ZRANB3: variants seen among roughly 807,000 people sequenced by gnomAD.
The protein encoded by ZRANB3 is zinc finger RANBP2-type containing 3.
In ZRANB3, 125 loss-of-function variants were observed where a neutral mutation model predicts 133.8. The observed-to-expected ratio is 0.93, with a 90% CI of 0.81 to 1.08. The LOEUF is 1.08. Ranked by LOEUF, ZRANB3 falls within the 50% of genes least tolerant of loss-of-function variation. ZRANB3 has a pLI of 0.00. For synonymous variants in ZRANB3, 387 were observed against 432.7 expected, an observed-to-expected ratio of 0.89 and a Z score of 1.31; for missense variants, 1,229 against 1,275.5, an observed-to-expected ratio of 0.96 and a Z score of 0.56.
At chr2:135,341,366 C>T (rs1452731531) in intron 6 of ZRANB3, among the ~76,000 whole-genome samples, 2 of 149,890 alleles carry the variant, frequency 1.3e-5, no homozygotes, top group African/African-American at 5.1e-5. Flanking sequence ...TATCACTTCC[C>T]CAATCAATAC....
At chr2:135,379,078 C>G (rs1435809487) in intron 3 of ZRANB3, among the ~76,000 whole-genome samples, 1 of 151,946 alleles carries the variant, frequency 6.6e-6, no homozygotes. Flanking sequence ...GACAAATGTA[C>G]CATACTAATC....
At chr2:135,409,395 T>A (rs1161863283) in intron 2 of ZRANB3, among the ~76,000 whole-genome samples, 1 of 152,032 alleles carries the variant, frequency 6.6e-6, no homozygotes, top group Non-Finnish European at 1.5e-5. Flanking sequence ...CACATGATCA[T>A]CTTCATAGAT....
At position 135,480,612 on chromosome 2, in the gene ZRANB3, T is replaced by A. The variant is rs551846754; in HGVS notation, c.161+23717A>T. Among the ~76,000 whole-genome samples, 9 of 151,732 alleles carry A rather than the reference T, an allele frequency of 5.9e-5. No individual in the cohort carries two copies. The East Asian group carries it at 1.7e-3, about 29-fold the overall frequency. The stretch of plus-strand genomic sequence containing the variant: ...ATACTACAAAGGTTTTTTTTAATCT[T>A]TTATTATTATTATTATTATACTTTA... On this transcript the variant is annotated intron_variant, in intron 2 of 20. Coordinates refer to ENST00000264159, the MANE Select transcript of ZRANB3 (RefSeq NM_032143.4).
At chr2:135,277,742 C>T (rs771022285) in intron 8 of ZRANB3, among the ~76,000 whole-genome samples, 13 of 151,784 alleles carry the variant, frequency 8.6e-5, no homozygotes, top group Admixed American at 2.0e-4. Context: ...CTGGCCAACA[C>T]GGTGAAACCC....
chr2:135,342,480 T>A (rs545549572), intron 6 of ZRANB3, among the ~76,000 whole-genome samples: 1 of 150,034 alleles, frequency 6.7e-6, no homozygotes, highest in Non-Finnish European at 1.5e-5. Flanking sequence ...TGAAAATGTT[T>A]ACCTCTTTTA....
chr2:135,419,009 C>T (rs1415792810), intron 2 of ZRANB3, among the ~76,000 whole-genome samples: 1 of 135,072 alleles, frequency 7.4e-6, no homozygotes, highest in East Asian at 2.6e-4. Flanking sequence ...GCGATCTCGG[C>T]TCGCTGCAAT....
intron 2 of ZRANB3, 38 bp downstream of exon 2, chr2:135,504,291 G>C (rs777611547): frequency 4.3e-6 from 7 of 1,609,704 alleles, no homozygotes; most frequent in Non-Finnish European, 5.9e-6. Flanking sequence ...CACTTTCCAG[G>C]AATTTAACAT....
rs144401167 is a variant in ZRANB3, at chr2:135,432,021, C to T, written c.162-41201G>A. Among the ~76,000 whole-genome samples the T allele has an allele frequency of 7.1e-3, 1,080 of 152,178 alleles. 17 individuals are homozygous for T. Among genetic ancestry groups the T allele is most frequent in the African/African-American group, 0.025 (1,024 of 41,522 alleles). On this transcript the variant is annotated intron_variant, in intron 2 of 20. Transcript: ENST00000264159. ...ATCCCAGCACTTTGGGAGGCTGAGA[C>T]GGGTGGATCACCTGAGGCTGGGAGT...
chr2:135,275,209 G>A (rs1375119291), intron 9 of ZRANB3, among the ~76,000 whole-genome samples: 1 of 151,762 alleles, frequency 6.6e-6, no homozygotes, highest in Non-Finnish European at 1.5e-5. Context: ...GCCGGGCAGA[G>A]GCGCCCCCCA....
chr2:135,379,327 CT>C (rs1458127893), intron 3 of ZRANB3, among the ~76,000 whole-genome samples: 4 of 152,196 alleles, frequency 2.6e-5, no homozygotes, highest in Admixed American at 1.3e-4. Flanking sequence ...TTCATTCTAA[CT>C]TCACTGTCTT....
chr2:135,385,282 A>G (rs565126831), intron 3 of ZRANB3, among the ~76,000 whole-genome samples: 1 of 152,162 alleles, frequency 6.6e-6, no homozygotes, highest in Non-Finnish European at 1.5e-5. Context: ...TCCAACTTAC[A>G]AGGGATGTGA....
intron 6 of ZRANB3, among the ~76,000 whole-genome samples, chr2:135,326,521 T>A (rs1683833825): frequency 6.6e-6 from 1 of 152,158 alleles, no homozygotes; most frequent in Non-Finnish European, 1.5e-5. Flanking sequence ...AATGTGCAGG[T>A]TTGTTACATA....
chr2:135,236,734 A>G (rs942184765), intron 12 of ZRANB3, among the ~76,000 whole-genome samples: 2 of 152,220 alleles, frequency 1.3e-5, no homozygotes, highest in Non-Finnish European at 2.9e-5. Flanking sequence ...CTGGCTAGCC[A>G]TATGTAGAAA....
chr2:135,474,016 C>G (rs914553730), intron 2 of ZRANB3, among the ~76,000 whole-genome samples: 1 of 152,046 alleles, frequency 6.6e-6, no homozygotes, highest in Admixed American at 6.6e-5. Context: ...GAAACCCTGT[C>G]TCTACCAAAA....
chr2:135,506,857 C>T (rs1693212469), intron 1 of ZRANB3, among the ~76,000 whole-genome samples: 1 of 152,150 alleles, frequency 6.6e-6, no homozygotes, highest in Admixed American at 6.5e-5. Flanking sequence ...GCCTCCACTG[C>T]TTCAGTAGGC....
At chr2:135,262,675 G>A (rs1680022494) in intron 12 of ZRANB3, among the ~76,000 whole-genome samples, 2 of 152,016 alleles carry the variant, frequency 1.3e-5, no homozygotes, top group South Asian at 4.1e-4. Flanking sequence ...TAGCTACTCA[G>A]CAGGCTGAGA....
At chr2:135,463,698 T>A (rs1690865026) in intron 2 of ZRANB3, among the ~76,000 whole-genome samples, 1 of 152,192 alleles carries the variant, frequency 6.6e-6, no homozygotes, top group African/African-American at 2.4e-5. Context: ...ATTACAGGCA[T>A]GAACCACCAC....
intron 8 of ZRANB3, among the ~76,000 whole-genome samples, chr2:135,278,916 A>C (rs1680969404): frequency 6.6e-6 from 1 of 152,194 alleles, no homozygotes. Context: ...GGAAGGATGG[A>C]AATAACAGGA....
intron 2 of ZRANB3, among the ~76,000 whole-genome samples, chr2:135,418,517 A>C (rs1277852180): frequency 6.6e-6 from 1 of 152,242 alleles, no homozygotes; most frequent in Non-Finnish European, 1.5e-5. Context: ...TGTATGTCAT[A>C]ATAGCCTCAG....
Sources: allele counts gnomAD v4.1 joint callset (sites outside exome capture counted in the v4.1 genomes callset), GRCh38; gene constraint gnomAD v4.1.1; transcripts MANE v1.5; gene names NCBI Gene and HGNC (gene_info 2026-07-23, HGNC 2026-07-21).